Variants in RAD51D observed in about 807,000 individuals in gnomAD.
The protein encoded by RAD51D is DNA repair protein RAD51 homolog 4.
A neutral mutation model predicts 44.1 loss-of-function variants in RAD51D; 38 were observed. The ratio of observed to expected loss-of-function variants is 0.86; its 90% CI spans 0.67 to 1.13. The LOEUF is 1.13. RAD51D is among the 50% of genes most tolerant of loss of function. RAD51D has a pLI of 0.00. For missense variants in RAD51D, 390 were observed against 414.0 expected, an observed-to-expected ratio of 0.94 and a Z score of 0.50; for synonymous variants, 141 against 166.6, an observed-to-expected ratio of 0.85 and a Z score of 1.18.
In RAD51D at chr17:35,092,324, T is replaced by G. The variant is rs1296239924; in HGVS notation, c.*8629A>C. The G allele has an allele frequency of 6.6e-6, 1 of 152,206 alleles. No homozygotes were observed. Among genetic ancestry groups the G allele is most frequent in the Non-Finnish European group, 1.5e-5 (1 of 68,034 alleles). The allele number at this position is 152,206 out of a possible 1,614,324, so 9.4% of individuals were successfully genotyped here. On this transcript the variant is annotated 3_prime_UTR_variant, in exon 10 of 10. Coordinates refer to ENST00000345365, the MANE Select transcript of RAD51D (RefSeq NM_002878.4). Reference sequence around the variant, plus strand: ...CCCCAAACAGTTGTGAAAAAATAAATCATATTATTTCTTTTATTAGTAGCA... The same window carrying G: ...CCCCAAACAGTTGTGAAAAAATAAAGCATATTATTTCTTTTATTAGTAGCA...
In RAD51D at chr17:35,103,131, G is replaced by A; in HGVS notation, c.738+123C>T. 1 of 875,554 alleles carries A rather than the reference G, an allele frequency of 1.1e-6. No individual in the cohort carries two copies. Among genetic ancestry groups the A allele is most frequent in the Non-Finnish European group, 1.9e-6 (1 of 531,972 alleles). 54.2% of individuals were successfully genotyped at this position (875,554 alleles called of 1,614,324 possible). A position where few individuals can be genotyped will look rare whatever the true frequency, so the allele number is the denominator to read the frequency against. ...ATGGTGCAAAGCTGTAGCTGACCCAGGGAAGCTGGGATATGTCCCTTTCCT... is the reference window on the plus strand; with the variant it reads ...ATGGTGCAAAGCTGTAGCTGACCCAAGGAAGCTGGGATATGTCCCTTTCCT... On this transcript the variant is annotated intron_variant, in intron 8 of 9. Coordinates refer to ENST00000345365, the MANE Select transcript of RAD51D (RefSeq NM_002878.4). The surrounding 1 kb of genome is among the most constrained non-coding windows in gnomAD (Gnocchi z 4.1).
chr17:35,119,086 T>G lies in RAD51D; in HGVS notation c.144+25A>C, dbSNP rs2091786892. The stretch of plus-strand genomic sequence containing the variant: ...GACTTTTTAAAAAGACACTCAGGTT[T>G]GGAATGTGGAGATCAGGAGCTCACC... On this transcript the variant is annotated intron_variant, in intron 2 of 9. Coordinates refer to ENST00000345365, the MANE Select transcript of RAD51D (RefSeq NM_002878.4). 4 of 1,603,838 alleles carry G rather than the reference T, an allele frequency of 2.5e-6. No individual in the cohort carries two copies. The South Asian group carries it at 4.4e-5, about 18-fold the overall frequency.
rs1029417933 is a variant in RAD51D, at chr17:35,096,859, A to G, written c.*4094T>C. The G allele has an allele frequency of 2.7e-5, 4 of 150,772 alleles. No homozygotes were observed. Among genetic ancestry groups the G allele is most frequent in the African/African-American group, 4.9e-5 (2 of 40,802 alleles). 9.3% of individuals were successfully genotyped at this position (150,772 alleles called of 1,614,324 possible). A position where few individuals can be genotyped will look rare whatever the true frequency, so the allele number is the denominator to read the frequency against. On this transcript the variant is annotated 3_prime_UTR_variant, in exon 10 of 10. Transcript: ENST00000345365. ...GCAAGACTCTGTCTTGAAACATAAA[A>G]GAAATAAATATAAATAAGTGTCCCT...
intron 8 of RAD51D, among the ~76,000 whole-genome samples, chr17:35,102,358 C>G (rs528290166): frequency 6.6e-6 from 1 of 152,266 alleles, no homozygotes; most frequent in East Asian, 1.9e-4. Flanking sequence ...CCAGGCTAGT[C>G]TCGAACTCCT....
chr17:35,092,466 A>G lies in RAD51D; in HGVS notation c.*8487T>C, dbSNP rs1267701968. 2 of 152,184 alleles carry G rather than the reference A, an allele frequency of 1.3e-5. No homozygotes were observed. Among genetic ancestry groups the G allele is most frequent in the Non-Finnish European group, 2.9e-5 (2 of 68,042 alleles). The allele number at this position is 152,184 out of a possible 1,614,324, so 9.4% of individuals were successfully genotyped here. A position where few individuals can be genotyped will look rare whatever the true frequency, so the allele number is the denominator to read the frequency against. On this transcript the variant is annotated 3_prime_UTR_variant, in exon 10 of 10. Transcript: ENST00000345365. ...ACTCTCTGTGAAAGGCACTTTACAT[A>G]AATTATCTGTTTAATTCCCCTGAGG...
intron 3 of RAD51D, among the ~76,000 whole-genome samples, chr17:35,108,352 C>A (rs2091634877): frequency 6.6e-6 from 1 of 151,598 alleles, no homozygotes; most frequent in African/African-American, 2.4e-5. Flanking sequence ...CCTGGTTTAC[C>A]TTAATAATAA....
chr17:35,111,088 A>T (rs1249795578), intron 3 of RAD51D, among the ~76,000 whole-genome samples: 1 of 129,802 alleles, frequency 7.7e-6, no homozygotes, highest in Non-Finnish European at 1.6e-5. Context: ...GCAAAAAGAG[A>T]GAAACTCAGG....
chr17:35,106,110 A>C (rs768621212), intron 6 of RAD51D: 1 of 601,572 alleles, frequency 1.7e-6, no homozygotes, highest in Non-Finnish European at 3.2e-6. Flanking sequence ...CTTGCAGCTA[A>C]AAGTATTCCT....
rs776581316 is a variant in RAD51D at position 35,107,098 on chromosome 17, C to T, written c.370G>A (p.Val124Met). ...ACGTTTTGCTGCAGGCCATGGGCCA[C>T]ATTTGCTGCCATACAGAGACATACC... Reference protein sequence around the residue: ...TQVCLCMAANVAHGLQQNVLY... With the variant: ...TQVCLCMAANMAHGLQQNVLY... The change falls in exon 5 of 10, where the codon GTG becomes ATG. Residue 124 changes from valine to methionine, a missense_variant. Coordinates refer to ENST00000345365, the MANE Select transcript of RAD51D (RefSeq NM_002878.4). The T allele has an allele frequency of 6.2e-7, 1 of 1,614,094 alleles. No homozygotes were observed. The highest frequency in any genetic ancestry group is 2.2e-5 in the East Asian group (1 of 44,868).
rs1597878907 is a variant in RAD51D, at chr17:35,119,670, G to A, written c.-57C>T. On this transcript the variant is annotated 5_prime_UTR_variant, in exon 1 of 10. Transcript: ENST00000345365. Reference sequence around the variant, plus strand: ...ACTGCACGTCACGTGGGCATTCGCGGGGGGTCCTCTCCAGACGCCCCTCCC... The same window carrying A: ...ACTGCACGTCACGTGGGCATTCGCGAGGGGTCCTCTCCAGACGCCCCTCCC... The A allele has an allele frequency of 6.3e-7, 1 of 1,578,486 alleles. No homozygotes were observed. Among genetic ancestry groups the A allele is most frequent in the Non-Finnish European group, 8.6e-7 (1 of 1,158,482 alleles).
chr17:35,113,595 C>T (rs1239540264), intron 3 of RAD51D: 2 of 443,284 alleles, frequency 4.5e-6, no homozygotes, highest in Non-Finnish European at 9.1e-6. Context: ...CCAGGGACTC[C>T]CCATGATTAT....
chr17:35,095,549 G>A lies in RAD51D; in HGVS notation c.*5404C>T, dbSNP rs1165901519. 6.6e-6 allele frequency: 1 copy of A among 152,070 alleles called. No individual in the cohort carries two copies. The highest frequency in any genetic ancestry group is 1.5e-5 in the Non-Finnish European group (1 of 68,076). 9.4% of individuals were successfully genotyped at this position (152,070 alleles called of 1,614,324 possible). A position where few individuals can be genotyped will look rare whatever the true frequency, so the allele number is the denominator to read the frequency against. On this transcript the variant is annotated 3_prime_UTR_variant, in exon 10 of 10. Transcript: ENST00000345365. ...TCATGCCTATAATCCCAGTTCTTTG[G>A]GAGGCTGAGGCAGGCAGATCATCTG... is the stretch of plus-strand genomic sequence containing the variant.
At position 35,114,692 on chromosome 17, in the gene RAD51D, T is replaced by TA. The variant is rs530714665; in HGVS notation, c.263+3808dup. On this transcript the variant is annotated intron_variant, in intron 3 of 9. Coordinates refer to ENST00000345365, the MANE Select transcript of RAD51D (RefSeq NM_002878.4). ...GGGCAACAGAGCAAGACCCTGTCTCTAAAAAACAAATTAAAAAATTAAAAA... is the reference window on the plus strand; with the variant it reads ...GGGCAACAGAGCAAGACCCTGTCTCTAAAAAAACAAATTAAAAAATTAAAAA... Among the ~76,000 whole-genome samples the TA allele has an allele frequency of 3.7e-4, 56 of 152,076 alleles. No homozygotes were observed. In the South Asian group the frequency reaches 0.011, roughly 29 times the overall value.
chr17:35,110,844 C>G (rs781169330), intron 3 of RAD51D, among the ~76,000 whole-genome samples: 1 of 152,216 alleles, frequency 6.6e-6, no homozygotes, highest in Non-Finnish European at 1.5e-5. Flanking sequence ...CGGTGGCTCA[C>G]GCCAGTGATC....
intron 3 of RAD51D, chr17:35,113,675 TG>T: frequency 3.3e-6 from 1 of 304,530 alleles, no homozygotes; most frequent in Non-Finnish European, 6.7e-6. Context: ...GAGATAATTG[TG>T]CTCACCCCAT....
At chr17:35,119,203 A>G (rs2142478290) in intron 1 of RAD51D, 31 bp from the exon 2 acceptor site, 2 of 1,595,950 alleles carry the variant, frequency 1.3e-6, no homozygotes, top group Non-Finnish European at 1.7e-6. Context: ...GCGGATTGGC[A>G]GAGAGGACTG....
At chr17:35,104,650 C>G (rs1456251571) in intron 6 of RAD51D, among the ~76,000 whole-genome samples, 1 of 152,156 alleles carries the variant, frequency 6.6e-6, no homozygotes, top group East Asian at 1.9e-4. Context: ...TCCCAAAATG[C>G]CAGGATTACA....
chr17:35,101,978 G>T (rs2091543801), intron 8 of RAD51D, among the ~76,000 whole-genome samples: 1 of 152,058 alleles, frequency 6.6e-6, no homozygotes, highest in Non-Finnish European at 1.5e-5. Flanking sequence ...TGGTGGTGAT[G>T]GTTGTACAGC....
At chr17:35,119,029 C>A in intron 2 of RAD51D, 82 bp downstream of exon 2, 1 of 1,353,764 alleles carries the variant, frequency 7.4e-7, no homozygotes, top group South Asian at 1.2e-5. Flanking sequence ...GGATTACAGG[C>A]ATGAGCCACC....
Sources: gnomAD v4.1 joint callset for allele counts (sites outside exome capture counted in the v4.1 genomes callset) on GRCh38, gnomAD v4.1.1 for gene constraint, Gnocchi (gnomAD v3.1) non-coding constraint, MANE v1.5 for transcripts, NCBI Gene and HGNC (gene_info 2026-07-23, HGNC 2026-07-21) for gene names.